Variants in CALN1 observed in about 807,000 individuals in gnomAD.
CALN1 encodes calcium-binding protein 8.
A neutral mutation model predicts 30.6 loss-of-function variants in CALN1; 17 were observed. The ratio of observed to expected loss-of-function variants is 0.56; its 90% CI spans 0.38 to 0.83. The LOEUF (loss-of-function observed/expected upper bound fraction) is 0.83, where lower values mean the gene tolerates loss of function less well. Ranked by LOEUF, CALN1 falls within the 40% of genes least tolerant of loss-of-function variation. The pLI, the probability that CALN1 is intolerant of heterozygous loss-of-function variation, is 0.00. For missense variants in CALN1, 291 were observed against 354.9 expected (o/e 0.82, Z 1.45); for synonymous variants, 156 against 131.4 (o/e 1.19, Z -1.28).
chr7:71,962,266 G>A (rs1484333644), intron 5 of CALN1, among the ~76,000 whole-genome samples: 1 of 151,840 alleles, frequency 6.6e-6, no homozygotes, highest in Non-Finnish European at 1.5e-5. Context: ...AGTCATGCCT[G>A]GTGGCATGCA....
At chr7:72,180,284 A>C (rs2129546033) in intron 3 of CALN1, among the ~76,000 whole-genome samples, 1 of 152,316 alleles carries the variant, frequency 6.6e-6, no homozygotes, top group East Asian at 1.9e-4. Context: ...GTTGTACTAC[A>C]TTGGGACCCC....
At chr7:72,370,864 G>A (rs950796295) in intron 2 of CALN1, among the ~76,000 whole-genome samples, 1 of 151,836 alleles carries the variant, frequency 6.6e-6, no homozygotes, top group African/African-American at 2.4e-5. Context: ...AGGCCAACAT[G>A]GTGAAGCCGC....
chr7:72,278,472 TACACACACACAC>T (rs59010102), intron 3 of CALN1, among the ~76,000 whole-genome samples: 13 of 143,982 alleles, frequency 9.0e-5, no homozygotes, highest in Non-Finnish European at 1.4e-4. Flanking sequence ...ATCAGGTCTG[TACACACACACAC>T]ACACACACAC....
intron 5 of CALN1, among the ~76,000 whole-genome samples, chr7:71,940,660 G>C (rs1052102278): frequency 1.3e-5 from 2 of 152,154 alleles, no homozygotes; most frequent in Non-Finnish European, 2.9e-5. Flanking sequence ...GGTTGGTGTA[G>C]TGGCATGATC....
intron 5 of CALN1, among the ~76,000 whole-genome samples, chr7:71,964,124 C>T (rs538391003): frequency 6.6e-6 from 1 of 152,316 alleles, no homozygotes; most frequent in South Asian, 2.1e-4. Context: ...ATATCATATA[C>T]TTTGGCTTAC....
At chr7:72,177,784 C>A (rs1422986261) in intron 3 of CALN1, among the ~76,000 whole-genome samples, 2 of 149,268 alleles carry the variant, frequency 1.3e-5, no homozygotes, top group Non-Finnish European at 3.0e-5. Flanking sequence ...CATTTGGTGG[C>A]GATTTGGCAC....
intron 3 of CALN1, among the ~76,000 whole-genome samples, chr7:72,119,031 T>C (rs1358839770): frequency 6.6e-6 from 1 of 152,220 alleles, no homozygotes; most frequent in African/African-American, 2.4e-5. Context: ...TTTGGAAGAC[T>C]GTAAGAATAG....
At chr7:72,293,117 C>G (rs896068339) in intron 2 of CALN1, among the ~76,000 whole-genome samples, 1 of 152,140 alleles carries the variant, frequency 6.6e-6, no homozygotes, top group Non-Finnish European at 1.5e-5. Flanking sequence ...GCCAGGAAAA[C>G]AGAGCCTGTA....
intron 3 of CALN1, among the ~76,000 whole-genome samples, chr7:72,224,986 T>C (rs1438679906): frequency 6.6e-6 from 1 of 151,294 alleles, no homozygotes; most frequent in Non-Finnish European, 1.5e-5. Context: ...TAGTCCCAGC[T>C]ACTTGGGAGG....
chr7:72,270,787 A>G (rs1037059663), intron 3 of CALN1, among the ~76,000 whole-genome samples: 2 of 152,188 alleles, frequency 1.3e-5, no homozygotes, highest in African/African-American at 4.8e-5. Flanking sequence ...AAATAAACAA[A>G]AAAAGAAGTT....
chr7:71,823,921 T>A (rs1282636261), intron 5 of CALN1, among the ~76,000 whole-genome samples: 1 of 151,966 alleles, frequency 6.6e-6, no homozygotes, highest in African/African-American at 2.4e-5. Context: ...TCTTTATAAA[T>A]CCATCAGATC....
At chr7:72,125,751 C>T (rs1808705795) in intron 3 of CALN1, among the ~76,000 whole-genome samples, 1 of 151,638 alleles carries the variant, frequency 6.6e-6, no homozygotes, top group Non-Finnish European at 1.5e-5. Context: ...TTACCCCTGC[C>T]GCCCCCACCT....
intron 2 of CALN1, among the ~76,000 whole-genome samples, chr7:72,300,927 G>A (rs934664280): frequency 6.6e-6 from 1 of 152,094 alleles, no homozygotes; most frequent in Admixed American, 6.6e-5. Context: ...CCCGAGGTTG[G>A]AGGTTGCAGT....
chr7:72,063,544 C>T (rs192951645), intron 4 of CALN1, among the ~76,000 whole-genome samples: 2 of 152,150 alleles, frequency 1.3e-5, no homozygotes, highest in African/African-American at 4.8e-5. Flanking sequence ...GCTGCATTCA[C>T]CAGCCAAGAG....
chr7:72,345,667 G>C (rs186515570), intron 2 of CALN1, among the ~76,000 whole-genome samples: 52 of 152,182 alleles, frequency 3.4e-4, no homozygotes, highest in African/African-American at 1.1e-3. Context: ...CTCCCTAGGA[G>C]GAGGGGCACT....
chr7:71,822,196 A>T (rs192999723), intron 5 of CALN1, among the ~76,000 whole-genome samples: 1,675 of 152,210 alleles, frequency 0.011, 14 homozygotes, highest in Non-Finnish European at 0.017. Flanking sequence ...GTCTAATTCC[A>T]TTTTTATATA....
At position 72,438,903 on chromosome 7, in the gene CALN1, G is replaced by T. The variant is rs562126485; in HGVS notation, c.-226+8139C>A. ...CTATCCAAAGTATGTTATGGAAATA[G>T]ACAAGGTACAAGCCACCTAACTTTT... On this transcript the variant is annotated intron_variant, in intron 1 of 6. Transcript: ENST00000395276. 5.9e-5 allele frequency among the ~76,000 whole-genome samples: 9 copies of T among 152,304 alleles called. No homozygotes were observed. In the South Asian group the frequency reaches 1.9e-3, roughly 32 times the overall value.
At chr7:72,373,238 T>C (rs760068329) in intron 2 of CALN1, among the ~76,000 whole-genome samples, 6 of 151,980 alleles carry the variant, frequency 3.9e-5, no homozygotes, top group Non-Finnish European at 7.4e-5. Flanking sequence ...TGGGAAAAAA[T>C]GTGCACAGAG....
At position 72,023,723 on chromosome 7, in the gene CALN1, G is replaced by C. The variant is rs750893214; in HGVS notation, c.435C>G (p.Pro145=). ...CGCGACCTTCTGAAGACACCAGTTT[G>C]GGGCCAAGAATGGTCATGAATTCAT... ...DFDEFMTILG[P]KLVSSEGRDG... Residue 145 remains proline, a synonymous_variant, in exon 5 of 7, where the codon CCC becomes CCG. Transcript: ENST00000395275. 3 of 1,613,968 alleles carry C rather than the reference G, an allele frequency of 1.9e-6. No homozygotes were observed. Among genetic ancestry groups the C allele is most frequent in the Non-Finnish European group, 2.5e-6 (3 of 1,179,954 alleles).
Sources: allele counts gnomAD v4.1 joint callset (sites outside exome capture counted in the v4.1 genomes callset), GRCh38; gene constraint gnomAD v4.1.1; transcripts MANE v1.5; gene names NCBI Gene and HGNC (gene_info 2026-07-23, HGNC 2026-07-21).